Variants in AUTS2 observed in about 807,000 individuals in gnomAD.
The protein encoded by AUTS2 is activator of transcription and developmental regulator AUTS2.
Under a neutral mutation model 112.4 loss-of-function variants are expected in AUTS2, and 17 were observed. The ratio of observed to expected loss-of-function variants is 0.15; its 90% confidence interval spans 0.10 to 0.23. The LOEUF (loss-of-function observed/expected upper bound fraction) is 0.23. Ranked by LOEUF, AUTS2 falls within the 10% of genes least tolerant of loss-of-function variation. The pLI, the probability that AUTS2 is intolerant of heterozygous loss-of-function variation, is 1.00. For missense variants in AUTS2, 1,510 were observed against 1,701.6 expected, an observed-to-expected ratio of 0.89 and a Z score of 1.98; for synonymous variants, 751 against 702.7, an observed-to-expected ratio of 1.07 and a Z score of -1.09.
At chr7:70,678,883 A>T (rs1808063203) in intron 5 of AUTS2, among the ~76,000 whole-genome samples, 1 of 152,120 alleles carries the variant, frequency 6.6e-6, no homozygotes, top group African/African-American at 2.4e-5. Flanking sequence ...AGGACTTTTT[A>T]AATTCAAAGC....
At chr7:70,679,281 G>A (rs943402100) in intron 5 of AUTS2, among the ~76,000 whole-genome samples, 2 of 152,154 alleles carry the variant, frequency 1.3e-5, no homozygotes, top group African/African-American at 4.8e-5. Context: ...ATAAATACAC[G>A]GGAAAGGAAT....
chr7:70,467,465 G>T (rs1392827364), intron 5 of AUTS2, among the ~76,000 whole-genome samples: 1 of 152,338 alleles, frequency 6.6e-6, no homozygotes, highest in Admixed American at 6.5e-5. Flanking sequence ...AGAGAAAGTA[G>T]TGTGTTTAGG....
chr7:70,162,445 C>CAAAAAAAAAAAA (rs57688959), intron 4 of AUTS2, among the ~76,000 whole-genome samples: 1 of 56,682 alleles, frequency 1.8e-5, no homozygotes, highest in Non-Finnish European at 3.0e-5. Flanking sequence ...GACTCCGTCT[C>CAAAAAAAAAAAA]AAAAAAAAAA....
intron 2 of AUTS2, among the ~76,000 whole-genome samples, chr7:69,954,208 C>T (rs62458785): frequency 1.2e-4 from 19 of 152,212 alleles, no homozygotes; most frequent in African/African-American, 4.6e-4. Context: ...TTAGTATCTA[C>T]CTTCTTAGCA....
chr7:70,649,905 G>A (rs1436903979), intron 5 of AUTS2, among the ~76,000 whole-genome samples: 1 of 152,198 alleles, frequency 6.6e-6, no homozygotes, highest in Non-Finnish European at 1.5e-5. Flanking sequence ...CCTCAATCAT[G>A]TGGTGCTTGG....
chr7:70,746,387 C>T (rs1257324494), intron 6 of AUTS2, among the ~76,000 whole-genome samples: 2 of 152,132 alleles, frequency 1.3e-5, no homozygotes, highest in African/African-American at 4.8e-5. Context: ...CTCAGGTGAT[C>T]CGCCCACCTC....
intron 5 of AUTS2, among the ~76,000 whole-genome samples, chr7:70,603,074 CG>C (rs1328595712): frequency 6.6e-6 from 1 of 152,166 alleles, no homozygotes; most frequent in Non-Finnish European, 1.5e-5. Context: ...GTTATATCTA[CG>C]TAGAAGATTT....
chr7:70,705,387 T>C (rs1457921820), intron 6 of AUTS2, among the ~76,000 whole-genome samples: 2 of 152,192 alleles, frequency 1.3e-5, no homozygotes, highest in Non-Finnish European at 2.9e-5. Context: ...TTTTACCAGT[T>C]TATTCCTGAA....
At chr7:70,376,459 G>A (rs1793088050) in intron 4 of AUTS2, among the ~76,000 whole-genome samples, 1 of 151,848 alleles carries the variant, frequency 6.6e-6, no homozygotes, top group Non-Finnish European at 1.5e-5. Context: ...GGTGAGATGT[G>A]GCCGGCACAC....
At chr7:70,117,359 A>G (rs1315314599) in intron 2 of AUTS2, among the ~76,000 whole-genome samples, 1 of 151,918 alleles carries the variant, frequency 6.6e-6, no homozygotes, top group Non-Finnish European at 1.5e-5. Flanking sequence ...ACAGCATCTC[A>G]TCATTTTTTC....
chr7:70,397,143 AACCTTC>A (rs1266518261), intron 4 of AUTS2, among the ~76,000 whole-genome samples: 1 of 151,432 alleles, frequency 6.6e-6, no homozygotes, highest in African/African-American at 2.4e-5. Flanking sequence ...GGCTCACTGC[AACCTTC>A]ACCTCCCAGG....
At chr7:69,889,272 G>A (rs1794415541) in intron 1 of AUTS2, among the ~76,000 whole-genome samples, 2 of 152,208 alleles carry the variant, frequency 1.3e-5, no homozygotes. Flanking sequence ...CTGGCATGAT[G>A]AAGTCATAGC....
At chr7:69,971,941 C>T (rs1797865912) in intron 2 of AUTS2, among the ~76,000 whole-genome samples, 1 of 152,076 alleles carries the variant, frequency 6.6e-6, no homozygotes, top group South Asian at 2.1e-4. Context: ...GGATAATTGT[C>T]CAAGAGTGCA....
Position 70,495,688 on chromosome 7 carries a change from C to T in AUTS2, c.690+59907C>T, listed in dbSNP as rs551646964. 7.6e-4 allele frequency among the ~76,000 whole-genome samples: 97 copies of T among 128,338 alleles called. 1 individual carries two copies. Among genetic ancestry groups the T allele is most frequent in the Middle Eastern group, 9.5e-3 (2 of 210 alleles). 84.2% of individuals were successfully genotyped at this position (128,338 alleles called of 152,430 possible). A position where few individuals can be genotyped will look rare whatever the true frequency, so the allele number is the denominator to read the frequency against. Reference sequence around the variant, plus strand: ...TCACACACCCCACTCACACACACCACGTACACAGTCACACACACACACACC... The same window carrying T: ...TCACACACCCCACTCACACACACCATGTACACAGTCACACACACACACACC... On this transcript the variant is annotated intron_variant, in intron 5 of 18. Transcript: ENST00000342771.
At chr7:69,698,087 A>G (rs992019771) in intron 1 of AUTS2, among the ~76,000 whole-genome samples, 2 of 152,226 alleles carry the variant, frequency 1.3e-5, no homozygotes, top group Non-Finnish European at 2.9e-5. Flanking sequence ...ACATCTATGT[A>G]TAACTCAATT....
chr7:70,091,977 T>A (rs1423272402), intron 2 of AUTS2, among the ~76,000 whole-genome samples: 1 of 152,132 alleles, frequency 6.6e-6, no homozygotes, highest in Non-Finnish European at 1.5e-5. Flanking sequence ...ATACTCTTAA[T>A]CTCATTTACA....
chr7:70,156,653 C>T (rs901162507), intron 4 of AUTS2, among the ~76,000 whole-genome samples: 1 of 151,956 alleles, frequency 6.6e-6, no homozygotes, highest in Non-Finnish European at 1.5e-5. Context: ...CTCACCACTT[C>T]CAGTTATGTT....
At position 69,620,129 on chromosome 7, in the gene AUTS2, G is replaced by T. The variant is rs13226936; in HGVS notation, c.309+20167G>T. 6.2e-3 allele frequency among the ~76,000 whole-genome samples: 951 copies of T among 152,288 alleles called. 8 individuals carry two copies. The highest frequency in any genetic ancestry group is 0.011 in the Non-Finnish European group (738 of 68,018). On this transcript the variant is annotated intron_variant, in intron 1 of 18. Coordinates refer to ENST00000342771, the MANE Select transcript of AUTS2 (RefSeq NM_015570.4). ...TAAAATGAGCATGACATACAGTAAG[G>T]TTCAAGCTTAGGGGAGATGCTGAAG...
At position 70,221,108 on chromosome 7, in the gene AUTS2, A is replaced by G. The variant is rs940524; in HGVS notation, c.660+86537A>G. 7.0e-3 allele frequency among the ~76,000 whole-genome samples: 1,069 copies of G among 152,236 alleles called. 10 individuals carry two copies. The highest frequency in any genetic ancestry group is 0.019 in the South Asian group (91 of 4,826). On this transcript the variant is annotated intron_variant, in intron 4 of 18. Transcript: ENST00000342771. ...TGTTTTGTAGAGATGAAGTCTCACT[A>G]TGTTGCCCAGAGTGGTCTCAAACTC...
Sources: allele counts gnomAD v4.1 joint callset (sites outside exome capture counted in the v4.1 genomes callset), GRCh38; gene constraint gnomAD v4.1.1; transcripts MANE v1.5; gene names NCBI Gene and HGNC (gene_info 2026-07-23, HGNC 2026-07-21).